Variants in AGTPBP1 observed in about 807,000 individuals in gnomAD.
AGTPBP1 encodes ATP/GTP binding carboxypeptidase 1, also known as cytosolic carboxypeptidase 1.
A neutral mutation model predicts 143.9 loss-of-function variants in AGTPBP1; 70 were observed. The ratio of observed to expected loss-of-function variants is 0.49; its 90% CI spans 0.40 to 0.59. The LOEUF (loss-of-function observed/expected upper bound fraction) is 0.59, where lower values mean the gene tolerates loss of function less well. Among genes scored for constraint, AGTPBP1 ranks in the 20% least tolerant of loss-of-function variants. The probability of loss-of-function intolerance (pLI) is 0.00; values close to 1 mark genes in which losing one functional copy is unlikely to be tolerated. For missense variants in AGTPBP1, 1,229 were observed against 1,464.5 expected (o/e 0.84, Z 2.62); for synonymous variants, 463 against 500.2 (o/e 0.93, Z 0.99).
chr9:85,572,656 A>T (rs1299019326), intron 25 of AGTPBP1, among the ~76,000 whole-genome samples: 1 of 152,244 alleles, frequency 6.6e-6, no homozygotes, highest in East Asian at 1.9e-4. Context: ...ATTAGTAAGC[A>T]TAAACGATAT....
At chr9:85,650,839 G>C (rs888539538) in intron 11 of AGTPBP1, among the ~76,000 whole-genome samples, 2 of 152,116 alleles carry the variant, frequency 1.3e-5, no homozygotes, top group African/African-American at 4.8e-5. Context: ...TTTAGTATTT[G>C]GCACATGTGT....
rs112565067 is a variant in AGTPBP1 at position 85,634,193 on chromosome 9, CA to C, written c.1303-820del. Among the ~76,000 whole-genome samples the C allele has an allele frequency of 8.4e-3, 473 of 56,304 alleles. 1 individual carries two copies. Among genetic ancestry groups the C allele is most frequent in the South Asian group, 0.016 (26 of 1,580 alleles). The allele number at this position is 56,304 out of a possible 152,430, so 36.9% of individuals were successfully genotyped here. Reference sequence around the variant, plus strand: ...TGAGTGACAAAGTGAGACTCTCTCTCAAAAAAAAAAAAAAAAAAAAAAAGGA... The same window carrying C: ...TGAGTGACAAAGTGAGACTCTCTCTCAAAAAAAAAAAAAAAAAAAAAAGGA... On this transcript the variant is annotated intron_variant, in intron 13 of 25. Coordinates refer to ENST00000357081, the MANE Select transcript of AGTPBP1 (RefSeq NM_001330701.2).
In AGTPBP1 at chr9:85,714,039, A is replaced by C. The variant is rs369346148; in HGVS notation, c.-33-1473T>G. On this transcript the variant is annotated intron_variant, in intron 1 of 25. Transcript: ENST00000357081. ...TCATGAAAAGTTCCCTGTGGATTTT[A>C]CTAGAGTTGATAGAGTTGAAAAGAA... Among the ~76,000 whole-genome samples the C allele has an allele frequency of 2.0e-5, 3 of 152,248 alleles. No individual in the cohort carries two copies. The East Asian group carries it at 5.8e-4, about 29-fold the overall frequency.
intron 11 of AGTPBP1, among the ~76,000 whole-genome samples, chr9:85,648,415 G>C (rs542031589): frequency 6.6e-6 from 1 of 152,264 alleles, no homozygotes; most frequent in South Asian, 2.1e-4. Flanking sequence ...ATGGTAACCT[G>C]GGTTGATTTA....
At chr9:85,752,026 C>T in the AGTPBP1 span, among the ~76,000 whole-genome samples, 2 of 150,884 alleles carry the variant, frequency 1.3e-5, no homozygotes, top group Admixed American at 1.3e-4. Flanking sequence ...TTCAGGTGTT[C>T]GAGACCAGCC....
the AGTPBP1 span, chr9:85,770,530 G>A: frequency 1.9e-6 from 2 of 1,047,336 alleles, no homozygotes; most frequent in East Asian, 2.4e-5. Flanking sequence ...TTATAAAGAT[G>A]GGTCAAGATG....
chr9:85,625,732 A>G (rs1433035815), intron 14 of AGTPBP1, among the ~76,000 whole-genome samples: 1 of 151,804 alleles, frequency 6.6e-6, no homozygotes, highest in Non-Finnish European at 1.5e-5. Context: ...AAAAATACAA[A>G]AAATTAGCCA....
At chr9:85,772,672 G>C in the AGTPBP1 span, among the ~76,000 whole-genome samples, 2 of 152,078 alleles carry the variant, frequency 1.3e-5, no homozygotes, top group Non-Finnish European at 2.9e-5. Flanking sequence ...AGGATCACTT[G>C]ATCTCAGGAG....
At chr9:85,784,058 C>T in the AGTPBP1 span, among the ~76,000 whole-genome samples, 2 of 152,210 alleles carry the variant, frequency 1.3e-5, no homozygotes, top group South Asian at 2.1e-4. Flanking sequence ...CCCTCTGTTA[C>T]AGTGTATATG....
chr9:85,672,763 C>G, intron 6 of AGTPBP1, 82 bp from the exon 7 acceptor site: 6 of 1,066,024 alleles, frequency 5.6e-6, no homozygotes, highest in Non-Finnish European at 7.5e-6. Flanking sequence ...GAGACAGAGT[C>G]TTGCTCTGTC....
chr9:85,593,147 G>A (rs1314286193), intron 18 of AGTPBP1, among the ~76,000 whole-genome samples: 1 of 152,132 alleles, frequency 6.6e-6, no homozygotes, highest in Non-Finnish European at 1.5e-5. Flanking sequence ...GTTGTTTCCT[G>A]ATGTGATGCA....
intron 1 of AGTPBP1, chr9:85,741,442 A>G (rs1197917319): frequency 1.0e-6 from 1 of 985,012 alleles, no homozygotes; most frequent in African/African-American, 1.7e-5. Flanking sequence ...CCCGAGAGAA[A>G]GGGCTGAGCA....
At chr9:85,572,004 G>GGTTTTTTTTTTT (rs1827508534) in intron 25 of AGTPBP1, among the ~76,000 whole-genome samples, 1 of 43,434 alleles carries the variant, frequency 2.3e-5, no homozygotes, top group Non-Finnish European at 5.0e-5. Context: ...GTTTGTGTGT[G>GGTTTTTTTTTTT]TTTTTTTTTT....
At chr9:85,634,686 T>C (rs1172306831) in intron 13 of AGTPBP1, among the ~76,000 whole-genome samples, 1 of 152,172 alleles carries the variant, frequency 6.6e-6, no homozygotes, top group Admixed American at 6.5e-5. Flanking sequence ...ATAAGGTGTA[T>C]ATTGAAGTCA....
intron 4 of AGTPBP1, among the ~76,000 whole-genome samples, chr9:85,680,594 G>A (rs1224043468): frequency 6.0e-5 from 9 of 150,176 alleles, no homozygotes; most frequent in Non-Finnish European, 1.0e-4. Flanking sequence ...AAAAAAAAAA[G>A]AAAAGAAAAG....
intron 9 of AGTPBP1, among the ~76,000 whole-genome samples, chr9:85,659,158 A>T (rs1260937425): frequency 6.6e-6 from 1 of 152,204 alleles, no homozygotes; most frequent in Non-Finnish European, 1.5e-5. Flanking sequence ...TGCCCCTTAA[A>T]GGAAGTGAAC....
chr9:85,653,729 G>A (rs1237066650), intron 11 of AGTPBP1, among the ~76,000 whole-genome samples: 1 of 152,228 alleles, frequency 6.6e-6, no homozygotes, highest in Admixed American at 6.5e-5. Context: ...AGAAGAGGGA[G>A]TGGAGGCTTG....
chr9:85,575,210 C>A (rs1827819851), intron 25 of AGTPBP1, 105 bp downstream of exon 25: 1 of 747,560 alleles, frequency 1.3e-6, no homozygotes, highest in East Asian at 3.1e-5. Flanking sequence ...TATATTAATT[C>A]TAAACATGCT....
intron 23 of AGTPBP1, among the ~76,000 whole-genome samples, chr9:85,580,908 TA>T (rs1257801913): frequency 2.2e-4 from 34 of 152,294 alleles, no homozygotes; most frequent in African/African-American, 7.9e-4. Flanking sequence ...ATGTAGTGTT[TA>T]AAAAACATTA....
Sources: gnomAD v4.1 joint callset for allele counts (sites outside exome capture counted in the v4.1 genomes callset) on GRCh38, gnomAD v4.1.1 for gene constraint, MANE v1.5 for transcripts, NCBI Gene and HGNC (gene_info 2026-07-23, HGNC 2026-07-21) for gene names.